IFT140: variants seen among roughly 807,000 people sequenced by gnomAD.
IFT140 encodes intraflagellar transport 140.
Under a neutral mutation model 164.6 loss-of-function variants are expected in IFT140, and 133 were observed. That is an observed-to-expected ratio of 0.81 (90% confidence interval 0.70 to 0.93). IFT140 has a LOEUF of 0.93. IFT140 is among the 40% of genes least tolerant of loss of function. IFT140 has a pLI of 0.00. For missense variants in IFT140, 2,045 were observed against 1,972.3 expected (o/e 1.04, Z -0.70); for synonymous variants, 860 against 817.3 (o/e 1.05, Z -0.89).
intron 19 of IFT140, among the ~76,000 whole-genome samples, chr16:1,547,067 C>T (rs1276769470): frequency 1.3e-5 from 2 of 152,228 alleles, no homozygotes; most frequent in Non-Finnish European, 2.9e-5. Flanking sequence ...GTTTTGGTGC[C>T]AGAGAGGTGG....
chr16:1,518,804 G>A (rs1466326977), intron 29 of IFT140, among the ~76,000 whole-genome samples: 1 of 152,130 alleles, frequency 6.6e-6, no homozygotes, highest in South Asian at 2.1e-4. Context: ...AGGGTCTGTG[G>A]CAGAGCAGGG....
chr16:1,571,590 C>A, intron 13 of IFT140, 56 bp from the exon 14 acceptor site: 1 of 1,537,304 alleles, frequency 6.5e-7, no homozygotes, highest in South Asian at 1.2e-5. Flanking sequence ...GAACATTGTT[C>A]ACAGATAACC....
chr16:1,594,792 G>C (rs931287440), intron 4 of IFT140, among the ~76,000 whole-genome samples: 1 of 152,162 alleles, frequency 6.6e-6, no homozygotes. Context: ...GTCTGAGTCC[G>C]TGTGCGTGGC....
chr16:1,543,618 G>T (rs1282851375), intron 19 of IFT140, among the ~76,000 whole-genome samples: 1 of 152,194 alleles, frequency 6.6e-6, no homozygotes, highest in Non-Finnish European at 1.5e-5. Context: ...CTTCGAAAAG[G>T]GTAATTTCTG....
chr16:1,586,612 T>C (rs1261488942), intron 9 of IFT140, among the ~76,000 whole-genome samples: 1 of 146,208 alleles, frequency 6.8e-6, no homozygotes, highest in Non-Finnish European at 1.5e-5. Context: ...TATGCACACA[T>C]ACACACACAT....
chr16:1,598,543 C>T (rs2035580956), intron 4 of IFT140, among the ~76,000 whole-genome samples: 1 of 152,088 alleles, frequency 6.6e-6, no homozygotes, highest in Non-Finnish European at 1.5e-5. Flanking sequence ...TTCTAAGAAA[C>T]ACTTAGACCC....
Position 1,510,936 on chromosome 16 carries a change from C to A in IFT140, c.*8G>T. 6.2e-7 allele frequency: 1 copy of A among 1,607,982 alleles called. No individual in the cohort carries two copies. The highest frequency in any genetic ancestry group is 8.5e-7 in the Non-Finnish European group (1 of 1,177,432). ...GCAGCAGCACGCTGGTCCTGGGGCCCAGGCCCCTCAGGGGTCGTCATCTGC... is the reference window on the plus strand; with the variant it reads ...GCAGCAGCACGCTGGTCCTGGGGCCAAGGCCCCTCAGGGGTCGTCATCTGC... On this transcript the variant is annotated 3_prime_UTR_variant, in exon 31 of 31. Transcript: ENST00000426508.
chr16:1,572,836 G>A (rs555123271), intron 13 of IFT140, among the ~76,000 whole-genome samples: 2 of 152,346 alleles, frequency 1.3e-5, no homozygotes, highest in East Asian at 3.9e-4. Flanking sequence ...TGGGTTGGGG[G>A]AGGAGCATCA....
At chr16:1,566,071 G>T (rs1419813926) in intron 16 of IFT140, 90 bp downstream of exon 16, 3 of 1,295,872 alleles carry the variant, frequency 2.3e-6, no homozygotes, top group Non-Finnish European at 3.3e-6. Context: ...CCTTTTGAAG[G>T]CGCGTTAACT....
chr16:1,580,128 C>T (rs947353902), intron 13 of IFT140: 4 of 152,208 alleles, frequency 2.6e-5, no homozygotes, highest in African/African-American at 9.7e-5. Flanking sequence ...CTTTTCATAG[C>T]CCCGTGTATT....
Position 1,589,734 on chromosome 16 carries a change from C to A in IFT140, c.681G>T (p.Val227=). 1 of 1,614,216 alleles carries A rather than the reference C, an allele frequency of 6.2e-7. No individual in the cohort carries two copies. Among genetic ancestry groups the A allele is most frequent in the Non-Finnish European group, 8.5e-7 (1 of 1,180,040 alleles). The change falls in exon 7 of 31, where the codon GTG becomes GTT. Residue 227 remains valine (V), a synonymous_variant. Coordinates refer to ENST00000426508, the MANE Select transcript of IFT140 (RefSeq NM_014714.4). ...GCATCTGAATCGTGCTGTCTGCGGA[C>A]ACCACCTGAGTGGTCTTGCCCTTCT... ...VDEKGKTTQV[V]SADSTIQMLF...
At chr16:1,574,130 C>T (rs2034153183) in intron 13 of IFT140, among the ~76,000 whole-genome samples, 1 of 152,192 alleles carries the variant, frequency 6.6e-6, no homozygotes, top group African/African-American at 2.4e-5. Flanking sequence ...TCCTGACCAA[C>T]AACCTGACAT....
At chr16:1,520,839 C>A (rs899712090) in intron 26 of IFT140, 31 bp from the exon 27 acceptor site, 4 of 1,581,944 alleles carry the variant, frequency 2.5e-6, no homozygotes, top group Non-Finnish European at 3.4e-6. Context: ...GACGGGGCTG[C>A]CGAGGGGGCC....
At chr16:1,599,891 G>C in intron 4 of IFT140, among the ~76,000 whole-genome samples, 2 of 105,464 alleles carry the variant, frequency 1.9e-5, no homozygotes, top group Admixed American at 8.6e-5. Context: ...GCCTCTGCCC[G>C]GCCGCCCCTA....
Position 1,520,321 on chromosome 16 carries a change from G to C in IFT140, c.3683C>G (p.Ser1228Cys). The C allele has an allele frequency of 6.2e-7, 1 of 1,614,160 alleles. No homozygotes were observed. The highest frequency in any genetic ancestry group is 1.6e-4 in the Middle Eastern group (1 of 6,062). The change falls in exon 28 of 31, where the codon TCC (serine) becomes TGC (cysteine). Residue 1228 changes from serine (S) to cysteine (C), a missense_variant. Ser to Cys is a moderately radical substitution (Grantham distance 112). Transcript: ENST00000426508. Reference protein sequence around the residue: ...KLKAMRALLKSGDTEKITFFA... With the variant: ...KLKAMRALLKCGDTEKITFFA... ...GAACGTGATTTTCTCCGTGTCTCCGGATTTGAGCAGCGCCCTCATGGCCTA... is the reference window on the plus strand; with the variant it reads ...GAACGTGATTTTCTCCGTGTCTCCGCATTTGAGCAGCGCCCTCATGGCCTA...
chr16:1,526,554 C>A, intron 20 of IFT140, 65 bp downstream of exon 20: 1 of 1,417,208 alleles, frequency 7.1e-7, no homozygotes, highest in Non-Finnish European at 9.3e-7. Flanking sequence ...TCCTCCTTCC[C>A]CAGGGGGCCG....
intron 13 of IFT140, 60 bp from the exon 14 acceptor site, chr16:1,571,594 G>A (rs368972494): frequency 2.0e-6 from 3 of 1,532,622 alleles, no homozygotes; most frequent in Non-Finnish European, 8.9e-7. Flanking sequence ...ATTGTTCACA[G>A]ATAACCTTGT....
chr16:1,573,144 C>A (rs1376195065), intron 13 of IFT140, among the ~76,000 whole-genome samples: 2 of 152,188 alleles, frequency 1.3e-5, no homozygotes, highest in African/African-American at 2.4e-5. Flanking sequence ...TGGGAGTATT[C>A]CAAGCTGAGG....
intron 19 of IFT140, chr16:1,534,434 C>G: frequency 1.2e-6 from 2 of 1,612,016 alleles, no homozygotes; most frequent in Non-Finnish European, 1.7e-6. Context: ...GGCTGGTGGA[C>G]AGGACCCGGG....
Sources: gnomAD v4.1 joint callset for allele counts (sites outside exome capture counted in the v4.1 genomes callset) on GRCh38, gnomAD v4.1.1 for gene constraint, MANE v1.5 for transcripts, NCBI Gene and HGNC (gene_info 2026-07-23, HGNC 2026-07-21) for gene names.